SLC11A2: variants seen among roughly 807,000 people sequenced by gnomAD.
SLC11A2 encodes the protein natural resistance-associated macrophage protein 2.
A neutral mutation model predicts 68.0 loss-of-function variants in SLC11A2; 38 were observed. The ratio of observed to expected loss-of-function variants is 0.56; its 90% CI spans 0.43 to 0.73. SLC11A2 has a LOEUF of 0.73. Among genes scored for constraint, SLC11A2 ranks in the 30% least tolerant of loss-of-function variants. The pLI is 0.00. For missense variants in SLC11A2, 517 were observed against 690.5 expected (o/e 0.75, Z 2.82); for synonymous variants, 242 against 250.6 (o/e 0.97, Z 0.32).
chr12:51,027,269 G>A (rs1054684090), upstream of SLC11A2, among the ~76,000 whole-genome samples: 2 of 152,078 alleles, frequency 1.3e-5, no homozygotes. Context: ...GGCCTGGGAG[G>A]TGGAGGCTGC....
At chr12:50,994,366 A>G (rs566060794) in intron 11 of SLC11A2, among the ~76,000 whole-genome samples, 178 bp downstream of exon 11, 1 of 152,060 alleles carries the variant, frequency 6.6e-6, no homozygotes, top group African/African-American at 2.4e-5. Flanking sequence ...TATCTTTTCA[A>G]CTGATCCTCT....
chr12:50,994,842 C>T, intron 10 of SLC11A2: 1 of 569,020 alleles, frequency 1.8e-6, no homozygotes, highest in South Asian at 2.0e-5. Context: ...AAAATCTTTA[C>T]TGAGTTACAG....
At chr12:51,026,274 G>T in intron 1 of SLC11A2, 36 bp downstream of exon 1, 1 of 1,217,908 alleles carries the variant, frequency 8.2e-7, no homozygotes, top group Non-Finnish European at 1.1e-6. Context: ...GCCAGCGAGC[G>T]GAATGCCGTG....
At position 51,005,310 on chromosome 12, in the gene SLC11A2, C is replaced by T. The variant is rs1942628631; in HGVS notation, c.309+1G>A. The T allele has an allele frequency of 6.2e-7, 1 of 1,613,852 alleles. No individual in the cohort carries two copies. Among genetic ancestry groups the T allele is most frequent in the African/African-American group, 1.3e-5 (1 of 75,044 alleles). ...GGACAGGGGTAGGACTAGATGTTCA[C>T]CTTAAATCCAGCCACTGCTCCAGAC... On this transcript the variant is annotated splice_donor_variant, in intron 4 of 15. Transcript: ENST00000262052. LOFTEE classifies it high-confidence loss of function.
downstream of SLC11A2, chr12:50,979,646 C>A: frequency 5.6e-6 from 2 of 355,470 alleles, no homozygotes; most frequent in Non-Finnish European, 1.1e-5. Flanking sequence ...ACTCTATAGC[C>A]TGAGTTGCAG....
downstream of SLC11A2, chr12:50,980,814 CAAATATTAGAAAGAAGAT>C (rs1390885141): frequency 2.0e-5 from 3 of 152,180 alleles, no homozygotes; most frequent in Non-Finnish European, 4.4e-5. Context: ...GCGGACTATA[CAAATATTAGAAAGAAGAT>C]AAATATCTTC....
chr12:50,960,979 T>C, the SLC11A2 span: 8 of 1,591,622 alleles, frequency 5.0e-6, no homozygotes, highest in Non-Finnish European at 6.9e-6. Flanking sequence ...TATAGCAGGC[T>C]TTGTGACTGT....
rs1940721434 is a variant in SLC11A2, at chr12:50,987,593, A to C, written c.*732T>G. ...CTCTGTACTAACAGGCAGGTTATTAAGACTCCCAAGAAATCCTCATAAGCT... is the reference window on the plus strand; with the variant it reads ...CTCTGTACTAACAGGCAGGTTATTACGACTCCCAAGAAATCCTCATAAGCT... On this transcript the variant is annotated 3_prime_UTR_variant, in exon 16 of 16. Transcript: ENST00000262052. 7.8e-7 allele frequency: 1 copy of C among 1,287,086 alleles called. No individual in the cohort carries two copies. Among genetic ancestry groups the C allele is most frequent in the Non-Finnish European group, 1.0e-6 (1 of 988,680 alleles). 79.7% of individuals were successfully genotyped at this position (1,287,086 alleles called of 1,614,324 possible).
rs755515112 is a variant in SLC11A2 at position 50,986,572 on chromosome 12, AT to A, written c.*1752del. Reference sequence around the variant, plus strand: ...TGTTACCATATCATCTTTATAAAGAATTTTTTTTTTGTCGTCAGTTTGGCCT... The same window carrying A: ...TGTTACCATATCATCTTTATAAAGAATTTTTTTTTGTCGTCAGTTTGGCCT... On this transcript the variant is annotated 3_prime_UTR_variant, in exon 16 of 16. Transcript: ENST00000262052. 1,068 of 1,170,700 alleles carry A rather than the reference AT, an allele frequency of 9.1e-4. 5 individuals carry two copies. The African/African-American group carries it at 0.012, about 13-fold the overall frequency. The allele number at this position is 1,170,700 out of a possible 1,614,324, so 72.5% of individuals were successfully genotyped here.
the SLC11A2 span, among the ~76,000 whole-genome samples, chr12:50,964,100 T>C: frequency 6.6e-6 from 1 of 152,142 alleles, no homozygotes; most frequent in South Asian, 2.1e-4. Context: ...TTGAATCCTA[T>C]TAACACTTCT....
intron 3 of SLC11A2, among the ~76,000 whole-genome samples, chr12:51,007,625 G>A (rs12827861): frequency 0.15 from 22,344 of 151,582 alleles, 1,883 homozygotes; most frequent in South Asian, 0.26. Context: ...GTGAGCCACC[G>A]CGCCTGGCCT....
intron 3 of SLC11A2, among the ~76,000 whole-genome samples, chr12:51,006,968 G>A (rs569022943): frequency 3.3e-5 from 5 of 151,996 alleles, no homozygotes; most frequent in Admixed American, 2.0e-4. Flanking sequence ...GGTTGGTCTC[G>A]AACTCCTGGG....
At chr12:50,999,036 G>A (rs1941976697) in intron 8 of SLC11A2, 138 bp downstream of exon 8, 1 of 719,432 alleles carries the variant, frequency 1.4e-6, no homozygotes. Flanking sequence ...TTGGCCCAGG[G>A]AAAAATTGGC....
At chr12:51,017,251 G>C (rs538788337) in intron 1 of SLC11A2, among the ~76,000 whole-genome samples, 2 of 152,194 alleles carry the variant, frequency 1.3e-5, no homozygotes, top group East Asian at 3.9e-4. Context: ...GTAGAGGACT[G>C]GTTGAATAAA....
chr12:50,970,290 T>C, the SLC11A2 span, among the ~76,000 whole-genome samples: 1 of 152,208 alleles, frequency 6.6e-6, no homozygotes, highest in Admixed American at 6.5e-5. Flanking sequence ...TAGAGTCACT[T>C]GTATGATCCA....
At chr12:50,979,205 T>C (rs1406226327), downstream of SLC11A2, among the ~76,000 whole-genome samples, 1 of 152,122 alleles carries the variant, frequency 6.6e-6, no homozygotes, top group Non-Finnish European at 1.5e-5. Context: ...TACCCAAGAC[T>C]CACTCTTAGT....
At chr12:50,984,104 G>A (rs1940316751), downstream of SLC11A2, among the ~76,000 whole-genome samples, 1 of 151,954 alleles carries the variant, frequency 6.6e-6, no homozygotes, top group African/African-American at 2.4e-5. Context: ...ACTCCAGCCT[G>A]GGTGACAAAG....
At chr12:50,995,211 C>A in intron 10 of SLC11A2, 1 of 258,132 alleles carries the variant, frequency 3.9e-6, no homozygotes, top group Non-Finnish European at 7.5e-6. Context: ...ACTCAGGAGG[C>A]TGAGGCAGGA....
At chr12:50,975,807 G>T (rs1322268567), downstream of SLC11A2, among the ~76,000 whole-genome samples, 3 of 152,134 alleles carry the variant, frequency 2.0e-5, no homozygotes, top group Non-Finnish European at 2.9e-5. Flanking sequence ...TGATAAAGGG[G>T]ATATCACCAC....
Sources: gnomAD v4.1 joint callset for allele counts (sites outside exome capture counted in the v4.1 genomes callset) on GRCh38, gnomAD v4.1.1 for gene constraint, MANE v1.5 for transcripts, NCBI Gene and HGNC (gene_info 2026-07-23, HGNC 2026-07-21) for gene names.